TP53BP1: variants seen among roughly 807,000 people sequenced by gnomAD.
TP53BP1 encodes TP53-binding protein 1.
A neutral mutation model predicts 200.8 loss-of-function variants in TP53BP1; 61 were observed. The ratio of observed to expected loss-of-function variants is 0.30; its 90% CI spans 0.25 to 0.38. TP53BP1 has a LOEUF of 0.38. TP53BP1 is among the 10% of genes least tolerant of loss of function. The probability of loss-of-function intolerance (pLI) is 1.00; values close to 1 mark genes in which losing one functional copy is unlikely to be tolerated. For synonymous variants in TP53BP1, 822 were observed against 844.3 expected (o/e 0.97, Z 0.46); for missense variants, 2,144 against 2,371.9 (o/e 0.90, Z 2.00).
chr15:43,455,859 G>A (rs2143009760), intron 12 of TP53BP1, 33 bp downstream of exon 12: 4 of 1,606,844 alleles, frequency 2.5e-6, no homozygotes, highest in Non-Finnish European at 3.4e-6. Context: ...TATAATTTAG[G>A]TGGAGACAAG....
chr15:43,480,979 C>T lies in TP53BP1; in HGVS notation c.415G>A (p.Glu139Lys). The part of the protein sequence containing the change: ...SVESAPAVEE[E>K]KGEELEQKEK... ...TTCTGTTCCAACTCTTCTCCCTTCT[C>T]TTCCTCCACAGCAGGAGCAGATTCC... Residue 139 changes from glutamate (E) to lysine (K), a missense_variant, in exon 5 of 28, where the codon GAG (glutamate) becomes AAG (lysine). By Grantham distance (56) the Glu-to-Lys change is moderately conservative. Coordinates refer to ENST00000382044, the MANE Select transcript of TP53BP1 (RefSeq NM_001141980.3). 6.2e-7 allele frequency: 1 copy of T among 1,614,096 alleles called. No individual in the cohort carries two copies. The highest frequency in any genetic ancestry group is 8.5e-7 in the Non-Finnish European group (1 of 1,179,966).
rs1433026245 is a variant in TP53BP1, at chr15:43,404,027, C to G, written c.*3356G>C. 3.6e-6 allele frequency: 2 copies of G among 556,340 alleles called. No homozygotes were observed. Among genetic ancestry groups the G allele is most frequent in the Non-Finnish European group, 6.4e-6 (2 of 312,702 alleles). 34.5% of individuals were successfully genotyped at this position (556,340 alleles called of 1,614,324 possible). The stretch of plus-strand genomic sequence containing the variant: ...TTCAGTCCTGAATAGTTTATTCAGC[C>G]CATCAAATAAGCATTGGGTTGTTCT... On this transcript the variant is annotated 3_prime_UTR_variant, in exon 28 of 28. Transcript: ENST00000382044.
At chr15:43,443,790 A>C (rs1410043798) in intron 14 of TP53BP1, among the ~76,000 whole-genome samples, 1 of 152,244 alleles carries the variant, frequency 6.6e-6, no homozygotes, top group Non-Finnish European at 1.5e-5. Context: ...ATATTCTCAC[A>C]ACAATGTCAC....
rs773362062 is a variant in TP53BP1 at position 43,479,844 on chromosome 15, A to G, written c.658+15T>C. The G allele has an allele frequency of 1.9e-6, 3 of 1,613,212 alleles. No individual in the cohort carries two copies. The highest frequency in any genetic ancestry group is 2.5e-6 in the Non-Finnish European group (3 of 1,179,438). On this transcript the variant is annotated intron_variant, in intron 6 of 27. Coordinates refer to ENST00000382044, the MANE Select transcript of TP53BP1 (RefSeq NM_001141980.3). Reference sequence around the variant, plus strand: ...AAACACAACAACTCCAAATGCCAGAAAACATGTTTCATACCAGTATTAGCA... The same window carrying G: ...AAACACAACAACTCCAAATGCCAGAGAACATGTTTCATACCAGTATTAGCA...
In TP53BP1 at chr15:43,456,701, G is replaced by A; in HGVS notation, c.1907C>T (p.Pro636Leu). 6.2e-7 allele frequency: 1 copy of A among 1,614,108 alleles called. No homozygotes were observed. Among genetic ancestry groups the A allele is most frequent in the Non-Finnish European group, 8.5e-7 (1 of 1,180,046 alleles). The change falls in exon 12 of 28, where the codon CCA becomes CTA. Residue 636 changes from proline to leucine, a missense_variant. Physicochemically the swap from Pro to Leu is moderately conservative, Grantham distance 98 (BLOSUM62 -3). This residue lies in a region of TP53BP1 where 1,700 missense variants were observed against 1,710.3 expected (regional missense o/e 0.99). Coordinates refer to ENST00000382044, the MANE Select transcript of TP53BP1 (RefSeq NM_001141980.3). ...AGAAAGTGCCTCAGATCGAGTAGCTGGTGACGGAACTGCCTGACTCCCCGA... is the reference window on the plus strand; with the variant it reads ...AGAAAGTGCCTCAGATCGAGTAGCTAGTGACGGAACTGCCTGACTCCCCGA... ...CDSGSQAVPS[P>L]ATRSEALSSV...
At position 43,479,933 on chromosome 15, in the gene TP53BP1, A is replaced by C. The variant is rs1326601835; in HGVS notation, c.584T>G (p.Val195Gly). 2.5e-6 allele frequency: 4 copies of C among 1,614,170 alleles called. No individual in the cohort carries two copies. Among genetic ancestry groups the C allele is most frequent in the Non-Finnish European group, 3.4e-6 (4 of 1,180,040 alleles). Residue 195 changes from valine (V) to glycine (G), a missense_variant, in exon 6 of 28, where the codon GTG becomes GGG. Val to Gly is a moderately radical substitution (Grantham distance 109). Coordinates refer to ENST00000382044, the MANE Select transcript of TP53BP1 (RefSeq NM_001141980.3). Reference protein sequence around the residue: ...DVEENTVPYEVDKEQLQSVTT... With the variant: ...DVEENTVPYEGDKEQLQSVTT... ...TACTGATTGTAGCTGCTCTTTGTCC[A>C]CTTCATATGGCACAGTATTTTCCTC...
chr15:43,480,593 C>T (rs2078950145), intron 5 of TP53BP1, among the ~76,000 whole-genome samples: 2 of 152,302 alleles, frequency 1.3e-5, no homozygotes, highest in African/African-American at 4.8e-5. Context: ...ACTACACCCA[C>T]AGTCACAGCA....
chr15:43,429,862 C>T (rs1437775083), intron 17 of TP53BP1, among the ~76,000 whole-genome samples: 2 of 152,184 alleles, frequency 1.3e-5, no homozygotes, highest in Non-Finnish European at 2.9e-5. Context: ...TGCCTGCACA[C>T]ACAATCAGAC....
intron 17 of TP53BP1, among the ~76,000 whole-genome samples, chr15:43,430,186 C>T (rs902332408): frequency 6.6e-6 from 1 of 152,158 alleles, no homozygotes; most frequent in African/African-American, 2.4e-5. Context: ...CACCTGGTTC[C>T]ACGTCCTTTT....
chr15:43,496,969 T>A (rs1272967594), upstream of TP53BP1, among the ~76,000 whole-genome samples: 1 of 152,166 alleles, frequency 6.6e-6, no homozygotes, highest in Non-Finnish European at 1.5e-5. Context: ...CCAAGTATCA[T>A]CTCCTGTCCA....
In TP53BP1 at chr15:43,456,305, T is replaced by C. The variant is rs1233792225; in HGVS notation, c.2303A>G (p.Glu768Gly). Residue 768 changes from glutamate (E) to glycine (G), a missense_variant, in exon 12 of 28, where the codon GAG becomes GGG. Coordinates refer to ENST00000382044, the MANE Select transcript of TP53BP1 (RefSeq NM_001141980.3). Reference protein sequence around the residue: ...DSSVVIVDVKEPSPRVDVSCE... With the variant: ...DSSVVIVDVKGPSPRVDVSCE... ...AGAAACATCAACTCTGGGAGATGGCTCTTTCACATCTACAATGACAACACT... is the reference window on the plus strand; with the variant it reads ...AGAAACATCAACTCTGGGAGATGGCCCTTTCACATCTACAATGACAACACT... The C allele has an allele frequency of 6.2e-7, 1 of 1,614,146 alleles. No homozygotes were observed. The highest frequency in any genetic ancestry group is 8.5e-7 in the Non-Finnish European group (1 of 1,180,040).
upstream of TP53BP1, among the ~76,000 whole-genome samples, chr15:43,495,951 T>C (rs745710022): frequency 4.6e-5 from 7 of 152,198 alleles, no homozygotes; most frequent in Admixed American, 3.3e-4. Flanking sequence ...TTAGGCAGTG[T>C]GGCAATTAAA....
At chr15:43,424,663 T>C (rs924899058) in intron 18 of TP53BP1, among the ~76,000 whole-genome samples, 14 of 152,236 alleles carry the variant, frequency 9.2e-5, no homozygotes, top group Non-Finnish European at 1.3e-4. Flanking sequence ...AAAATGCTAA[T>C]GGTCATGTAA....
At chr15:43,408,426 A>T (rs1189461782) in intron 26 of TP53BP1, 1 of 279,728 alleles carries the variant, frequency 3.6e-6, no homozygotes. Flanking sequence ...GGCTGCAGTA[A>T]GTCGTCACTG....
chr15:43,404,347 C>T lies in TP53BP1; in HGVS notation c.*3036G>A. Reference sequence around the variant, plus strand: ...TTTTCCAAGAAACTCCTCCCTCCGCCCCCATCCTCCATATGGAGAGTTGGT... The same window carrying T: ...TTTTCCAAGAAACTCCTCCCTCCGCTCCCATCCTCCATATGGAGAGTTGGT... On this transcript the variant is annotated 3_prime_UTR_variant, in exon 28 of 28. Transcript: ENST00000382044. The T allele has an allele frequency of 6.3e-7, 1 of 1,590,282 alleles. No homozygotes were observed. The highest frequency in any genetic ancestry group is 8.6e-7 in the Non-Finnish European group (1 of 1,165,018).
At chr15:43,472,913 C>A (rs962146209) in intron 10 of TP53BP1, among the ~76,000 whole-genome samples, 5 of 152,144 alleles carry the variant, frequency 3.3e-5, no homozygotes, top group Non-Finnish European at 5.9e-5. Flanking sequence ...CGGACCCTCA[C>A]GGTGAGAGTT....
At position 43,474,688 on chromosome 15, in the gene TP53BP1, G is replaced by T; in HGVS notation, c.1165C>A (p.Gln389Lys). Residue 389 changes from glutamine to lysine, a missense_variant, in exon 10 of 28, where the codon CAA becomes AAA. This residue lies in a region of TP53BP1 where 1,700 missense variants were observed against 1,710.3 expected (regional missense o/e 0.99). Transcript: ENST00000382044. ...GAGAGCTCACCTTGTCTCCCTTCTT[G>T]CTCTGTGGGACTGCTAGGAACGATA... is the stretch of plus-strand genomic sequence containing the variant. ...PFIVPSSPTEQEGRQDKPMDT... is the reference protein window; with the variant it reads ...PFIVPSSPTEKEGRQDKPMDT... The T allele has an allele frequency of 6.2e-7, 1 of 1,611,410 alleles. No homozygotes were observed. Among genetic ancestry groups the T allele is most frequent in the Non-Finnish European group, 8.5e-7 (1 of 1,177,652 alleles).
rs549476199 is a variant in TP53BP1, at chr15:43,424,184, G to A, written c.3829-2058C>T. Among the ~76,000 whole-genome samples, 7 of 152,142 alleles carry A rather than the reference G, an allele frequency of 4.6e-5. No homozygotes were observed. The South Asian group carries it at 6.2e-4, about 14-fold the overall frequency. Reference sequence around the variant, plus strand: ...TAGCAGAGACTGGTTTCTTTCAGCCGAACCTCCATTCAAGAATTTTGAGAT... The same window carrying A: ...TAGCAGAGACTGGTTTCTTTCAGCCAAACCTCCATTCAAGAATTTTGAGAT... On this transcript the variant is annotated intron_variant, in intron 18 of 27. Coordinates refer to ENST00000382044, the MANE Select transcript of TP53BP1 (RefSeq NM_001141980.3).
intron 1 of TP53BP1, among the ~76,000 whole-genome samples, chr15:43,502,226 G>A (rs962357444): frequency 6.6e-5 from 10 of 152,088 alleles, no homozygotes; most frequent in Admixed American, 1.3e-4. Context: ...GGGAGGCTGA[G>A]GTGGGAAGAT....
Sources: allele counts gnomAD v4.1 joint callset (sites outside exome capture counted in the v4.1 genomes callset), GRCh38; gene constraint gnomAD v4.1.1; regional missense constraint gnomAD v4.1.1; transcripts MANE v1.5; gene names NCBI Gene and HGNC (gene_info 2026-07-23, HGNC 2026-07-21).